Variants in QTMAN observed in about 807,000 individuals in gnomAD.
The protein encoded by QTMAN is queuosine-tRNA mannosyltransferase, also known as tRNA-queuosine alpha-mannosyltransferase.
At chr2:143,993,659 A>G in the QTMAN span, among the ~76,000 whole-genome samples, 3 of 152,182 alleles carry the variant, frequency 2.0e-5, no homozygotes, top group Non-Finnish European at 4.4e-5. Flanking sequence ...AGTGAGGCCA[A>G]GCTAACACCT....
chr2:144,274,224 T>G, the QTMAN span, among the ~76,000 whole-genome samples: 1 of 152,340 alleles, frequency 6.6e-6, no homozygotes, highest in East Asian at 1.9e-4. Context: ...ATAGGGGCAC[T>G]AGGAGAATCT....
the QTMAN span, among the ~76,000 whole-genome samples, chr2:144,220,264 AT>A: frequency 1.9e-3 from 281 of 151,834 alleles, no homozygotes; most frequent in Middle Eastern, 0.01. Flanking sequence ...ATAGATTGGG[AT>A]TTTTTTTTAA....
the QTMAN span, among the ~76,000 whole-genome samples, chr2:144,177,692 G>T: frequency 6.6e-6 from 1 of 152,050 alleles, no homozygotes; most frequent in African/African-American, 2.4e-5. Context: ...AGTACTAAAA[G>T]GATTAATGTG....
At chr2:144,163,614 A>G in the QTMAN span, among the ~76,000 whole-genome samples, 1 of 152,250 alleles carries the variant, frequency 6.6e-6, no homozygotes, top group African/African-American at 2.4e-5. Context: ...AAAAGGTTAA[A>G]TCAAAGGAAT....
chr2:143,996,161 G>C, the QTMAN span, among the ~76,000 whole-genome samples: 1 of 152,268 alleles, frequency 6.6e-6, no homozygotes, highest in Non-Finnish European at 1.5e-5. Flanking sequence ...GATCAGAAGG[G>C]CAGTCCTCTT....
At chr2:143,984,625 T>G in the QTMAN span, among the ~76,000 whole-genome samples, 1 of 152,340 alleles carries the variant, frequency 6.6e-6, no homozygotes, top group South Asian at 2.1e-4. Flanking sequence ...TTTTCCCACC[T>G]GAATGTTGCC....
the QTMAN span, among the ~76,000 whole-genome samples, chr2:144,133,527 A>T: frequency 5.4e-5 from 5 of 92,166 alleles, no homozygotes; most frequent in Admixed American, 1.9e-4. Flanking sequence ...TATATAAATA[A>T]ATATATATAA....
chr2:144,066,407 G>A, the QTMAN span, among the ~76,000 whole-genome samples: 1 of 152,182 alleles, frequency 6.6e-6, no homozygotes, highest in Non-Finnish European at 1.5e-5. Context: ...AACCTTTAAA[G>A]TAATGTCAGC....
At chr2:144,212,814 G>T in the QTMAN span, among the ~76,000 whole-genome samples, 1 of 152,092 alleles carries the variant, frequency 6.6e-6, no homozygotes, top group Non-Finnish European at 1.5e-5. Flanking sequence ...TACTATTAAA[G>T]CTTTTTGAAA....
chr2:144,140,954 G>A, the QTMAN span, among the ~76,000 whole-genome samples: 1 of 152,062 alleles, frequency 6.6e-6, no homozygotes, highest in Non-Finnish European at 1.5e-5. Context: ...GCAATGGGGT[G>A]CAGATGAGGA....
chr2:144,167,341 C>T, the QTMAN span, among the ~76,000 whole-genome samples: 1 of 149,748 alleles, frequency 6.7e-6, no homozygotes, highest in Non-Finnish European at 1.5e-5. Flanking sequence ...ATGCATCACC[C>T]GAATACTAGT....
chr2:144,268,797 A>ATTTTTTT, the QTMAN span, among the ~76,000 whole-genome samples: 1 of 150,662 alleles, frequency 6.6e-6, no homozygotes. Flanking sequence ...CCAAATTTCC[A>ATTTTTTT]TTTTTTTTTG....
chr2:144,227,011 C>G, the QTMAN span, among the ~76,000 whole-genome samples: 2 of 152,090 alleles, frequency 1.3e-5, no homozygotes, highest in African/African-American at 4.8e-5. Context: ...TTCTATAGTA[C>G]ATAATTGTTT....
the QTMAN span, among the ~76,000 whole-genome samples, chr2:144,168,109 G>T: frequency 1.3e-5 from 2 of 152,116 alleles, no homozygotes; most frequent in African/African-American, 4.8e-5. Context: ...GACTAATGTA[G>T]GTTAATCAAA....
the QTMAN span, among the ~76,000 whole-genome samples, chr2:144,291,408 T>C: frequency 1.2e-4 from 18 of 152,274 alleles, 1 homozygote; most frequent in Admixed American, 1.0e-3. Flanking sequence ...CCCATGATAA[T>C]TGTTTTGCAC....
chr2:144,063,519 T>C, the QTMAN span, among the ~76,000 whole-genome samples: 3 of 152,370 alleles, frequency 2.0e-5, no homozygotes, highest in South Asian at 6.2e-4. Context: ...ATTTTATCAA[T>C]GGAATTCTTA....
the QTMAN span, among the ~76,000 whole-genome samples, chr2:144,255,569 T>C: frequency 6.6e-6 from 1 of 152,286 alleles, no homozygotes; most frequent in Admixed American, 6.5e-5. Flanking sequence ...AAGAAACATA[T>C]ATTGCTAAGT....
the QTMAN span, among the ~76,000 whole-genome samples, chr2:144,089,270 C>T: frequency 6.6e-6 from 1 of 151,722 alleles, no homozygotes; most frequent in South Asian, 2.1e-4. Context: ...GTCAGAATGG[C>T]TATTATTAAA....
chr2:144,330,921 T>G, the QTMAN span, among the ~76,000 whole-genome samples: 1 of 152,258 alleles, frequency 6.6e-6, no homozygotes, highest in African/African-American at 2.4e-5. Flanking sequence ...ATTTCTGTGA[T>G]GCATAAGATT....
Sources: allele counts gnomAD v4.1 joint callset (sites outside exome capture counted in the v4.1 genomes callset), GRCh38; gene constraint gnomAD v4.1.1; transcripts MANE v1.5; gene names NCBI Gene and HGNC (gene_info 2026-07-23, HGNC 2026-07-21).